HPGDS: variants seen among roughly 807,000 people sequenced by gnomAD.
HPGDS encodes the protein hematopoietic prostaglandin D synthase, also known as GST class-sigma.
A neutral mutation model predicts 23.1 loss-of-function variants in HPGDS; 26 were observed. That is an observed-to-expected ratio of 1.13 (90% CI 0.83 to 1.56). The LOEUF (loss-of-function observed/expected upper bound fraction) is 1.56. HPGDS is among the 40% of genes most tolerant of loss of function. The pLI is 0.00. For missense variants in HPGDS, 268 were observed against 236.4 expected (o/e 1.13, Z -0.88); for synonymous variants, 95 against 77.9 (o/e 1.22, Z -1.16).
intron 2 of HPGDS, among the ~76,000 whole-genome samples, chr4:94,322,181 G>T (rs1267463571): frequency 6.7e-6 from 1 of 148,642 alleles, no homozygotes; most frequent in Non-Finnish European, 1.5e-5. Context: ...TTTTATTGAG[G>T]ATTTTCCCAT....
chr4:94,307,323 A>G (rs2126035945), intron 4 of HPGDS, among the ~76,000 whole-genome samples: 1 of 151,698 alleles, frequency 6.6e-6, no homozygotes, highest in East Asian at 1.9e-4. Context: ...AAAAAAAAAA[A>G]TCCTGGGTAA....
rs79222509 is a variant in HPGDS at position 94,332,747 on chromosome 4, C to T, written c.133+1750G>A. On this transcript the variant is annotated intron_variant, in intron 2 of 5. Transcript: ENST00000295256. ...TCAATCCTATGTCAGCTCAACTTTTCGAGTTATCTGCTACTACAAATTCAT... is the reference window on the plus strand; with the variant it reads ...TCAATCCTATGTCAGCTCAACTTTTTGAGTTATCTGCTACTACAAATTCAT... 1.2e-4 allele frequency among the ~76,000 whole-genome samples: 19 copies of T among 152,314 alleles called. No individual in the cohort carries two copies. The East Asian group carries it at 3.1e-3, about 25-fold the overall frequency.
intron 4 of HPGDS, 44 bp downstream of exon 4, chr4:94,308,590 G>C: frequency 1.1e-6 from 1 of 952,078 alleles, no homozygotes; most frequent in South Asian, 1.4e-5. Context: ...TGTCTGGCAG[G>C]TGGTATATAA....
At chr4:94,339,560 A>T (rs956854467) in intron 1 of HPGDS, among the ~76,000 whole-genome samples, 1 of 152,242 alleles carries the variant, frequency 6.6e-6, no homozygotes, top group Non-Finnish European at 1.5e-5. Context: ...AACTCATATG[A>T]ACATAGCTAT....
chr4:94,334,477 T>G lies in HPGDS; in HGVS notation c.133+20A>C. The G allele has an allele frequency of 6.4e-7, 1 of 1,556,924 alleles. No individual in the cohort carries two copies. Among genetic ancestry groups the G allele is most frequent in the South Asian group, 1.2e-5 (1 of 80,972 alleles). ...TTCTGAAAGCATATTTTTCCTACAT[T>G]TATTATTTTTGCTACTTACTTGATT... On this transcript the variant is annotated intron_variant, in intron 2 of 5. Coordinates refer to ENST00000295256, the MANE Select transcript of HPGDS (RefSeq NM_014485.3).
intron 1 of HPGDS, among the ~76,000 whole-genome samples, chr4:94,339,584 T>A (rs1242016999): frequency 6.6e-6 from 1 of 152,200 alleles, no homozygotes; most frequent in Non-Finnish European, 1.5e-5. Flanking sequence ...CTGCAGAAGA[T>A]TTAACTTTTA....
At chr4:94,331,141 T>C (rs1440025350) in intron 2 of HPGDS, among the ~76,000 whole-genome samples, 1 of 152,200 alleles carries the variant, frequency 6.6e-6, no homozygotes, top group East Asian at 1.9e-4. Context: ...CAGCTCTTCT[T>C]ATAGGTGCAT....
intron 2 of HPGDS, among the ~76,000 whole-genome samples, chr4:94,326,438 G>T (rs1052677243): frequency 2.0e-5 from 3 of 151,912 alleles, no homozygotes; most frequent in African/African-American, 7.3e-5. Context: ...GTCTGACTGG[G>T]TTATTTCAAA....
intron 2 of HPGDS, among the ~76,000 whole-genome samples, chr4:94,320,502 G>A (rs921597610): frequency 2.6e-5 from 4 of 152,126 alleles, no homozygotes; most frequent in Non-Finnish European, 5.9e-5. Flanking sequence ...TTGCATTTCT[G>A]TGATGACCAG....
At position 94,299,640 on chromosome 4, in the gene HPGDS, G is replaced by A. The variant is rs774289985; in HGVS notation, c.440C>T (p.Thr147Ile). Residue 147 changes from threonine (T) to isoleucine (I), a missense_variant, in exon 6 of 6, where the codon ACT (threonine) becomes ATT (isoleucine). Thr to Ile is a moderately conservative substitution (Grantham distance 89, BLOSUM62 -1). Transcript: ENST00000295256. ...GREWLIGNSV[T>I]WADFYWEICS... ...AATCTCCCAGTAGAAGTCTGCCCAA[G>A]TTACCTAGTTTAAAGGAAACAAACT... is the stretch of plus-strand genomic sequence containing the variant. The A allele has an allele frequency of 2.5e-6, 4 of 1,613,408 alleles. No homozygotes were observed. In the Admixed American group the frequency reaches 6.7e-5, roughly 27 times the overall value.
At chr4:94,334,374 T>G (rs1756786071) in intron 2 of HPGDS, 123 bp downstream of exon 2, 1 of 865,524 alleles carries the variant, frequency 1.2e-6, no homozygotes, top group African/African-American at 1.7e-5. Flanking sequence ...TAGTCTGAAC[T>G]GCTGCTTTTC....
chr4:94,332,177 AG>A (rs1174611782), intron 2 of HPGDS, among the ~76,000 whole-genome samples: 3 of 152,082 alleles, frequency 2.0e-5, no homozygotes, highest in African/African-American at 7.2e-5. Context: ...ACTTGACTTC[AG>A]GGGAAGACTA....
At chr4:94,314,533 G>A (rs747583684) in intron 3 of HPGDS, among the ~76,000 whole-genome samples, 1 of 152,160 alleles carries the variant, frequency 6.6e-6, no homozygotes, top group Non-Finnish European at 1.5e-5. Flanking sequence ...GCCATGTAAG[G>A]TATCAGTCTG....
intron 3 of HPGDS, among the ~76,000 whole-genome samples, chr4:94,317,277 T>C (rs1391113284): frequency 1.3e-5 from 2 of 152,092 alleles, no homozygotes; most frequent in Admixed American, 1.3e-4. Context: ...GAGAAGACAA[T>C]GGAGCATAGG....
At chr4:94,314,961 G>T (rs1417436178) in intron 3 of HPGDS, among the ~76,000 whole-genome samples, 2 of 152,224 alleles carry the variant, frequency 1.3e-5, no homozygotes, top group Non-Finnish European at 2.9e-5. Flanking sequence ...TAATCTCCTG[G>T]TGTGCCGTTT....
chr4:94,336,804 A>G (rs11947921), intron 1 of HPGDS, among the ~76,000 whole-genome samples: 7,446 of 152,274 alleles, frequency 0.049, 584 homozygotes, highest in African/African-American at 0.17. Context: ...AATAAAAAAC[A>G]TAATAATTAA....
chr4:94,322,357 C>T (rs573177030), intron 2 of HPGDS, among the ~76,000 whole-genome samples: 1 of 152,258 alleles, frequency 6.6e-6, no homozygotes, highest in African/African-American at 2.4e-5. Flanking sequence ...CTCCTTGTAT[C>T]TCTGGTAGAA....
At chr4:94,332,007 A>G (rs1157647900) in intron 2 of HPGDS, among the ~76,000 whole-genome samples, 11 of 151,908 alleles carry the variant, frequency 7.2e-5, no homozygotes, top group Non-Finnish European at 1.6e-4. Flanking sequence ...TTTTTTACCA[A>G]TTGAATGTTG....
At chr4:94,316,723 A>C (rs762440808) in intron 3 of HPGDS, among the ~76,000 whole-genome samples, 1 of 152,198 alleles carries the variant, frequency 6.6e-6, no homozygotes. Context: ...TCAAAGTGAG[A>C]TCCATGGACC....
Sources: gnomAD v4.1 joint callset for allele counts (sites outside exome capture counted in the v4.1 genomes callset) on GRCh38, gnomAD v4.1.1 for gene constraint, MANE v1.5 for transcripts, NCBI Gene and HGNC (gene_info 2026-07-23, HGNC 2026-07-21) for gene names.